The following TLN2 variants were observed in gnomAD, a reference collection of about 807,000 sequenced individuals.
TLN2 encodes talin 2.
Under a neutral mutation model 294.7 loss-of-function variants are expected in TLN2, and 118 were observed. That is an observed-to-expected ratio of 0.40 (90% CI 0.34 to 0.47). TLN2 has a LOEUF of 0.47. Among genes scored for constraint, TLN2 ranks in the 20% least tolerant of loss-of-function variants. TLN2 has a pLI of 0.84. For synonymous variants in TLN2, 1,431 were observed against 1,304.5 expected (o/e 1.10, Z -2.09); for missense variants, 3,083 against 3,282.2 (o/e 0.94, Z 1.48).
At position 62,694,354 on chromosome 15, in the gene TLN2, G is replaced by A; in HGVS notation, c.1254G>A (p.Glu418=). 6.2e-7 allele frequency: 1 copy of A among 1,614,066 alleles called. No homozygotes were observed. Among genetic ancestry groups the A allele is most frequent in the Non-Finnish European group, 8.5e-7 (1 of 1,179,984 alleles). ...SKDRFGLEGD[E]ESTMLEESVS... is the part of the protein sequence containing the mutation. ...ATCGATTTGGACTAGAAGGTGATGA[G>A]GAGTCAACCATGTTAGAAGAGTCCG... The change falls in exon 14 of 59, where the codon GAG becomes GAA. Residue 418 remains glutamate, a synonymous_variant. Coordinates refer to ENST00000636159, the MANE Select transcript of TLN2 (RefSeq NM_015059.3).
At chr15:62,689,980 C>T (rs1420065753) in intron 12 of TLN2, among the ~76,000 whole-genome samples, 1 of 9,600 alleles carries the variant, frequency 1.0e-4, no homozygotes, top group African/African-American at 1.6e-4. Context: ...CCGACCCCCC[C>T]ACCTCCCTCC....
At chr15:62,790,020 G>GGCT (rs1038490671) in intron 45 of TLN2, among the ~76,000 whole-genome samples, 1 of 152,154 alleles carries the variant, frequency 6.6e-6, no homozygotes, top group African/African-American at 2.4e-5. Flanking sequence ...GCTGATCTCA[G>GGCT]GCTGCTGCTG....
chr15:62,648,780 C>T (rs1291188014), intron 4 of TLN2, among the ~76,000 whole-genome samples: 2 of 151,966 alleles, frequency 1.3e-5, no homozygotes, highest in African/African-American at 2.4e-5. Context: ...AACTCCTGAC[C>T]TCTGGTGATC....
At chr15:62,533,302 G>T (rs2041157335) in intron 1 of TLN2, among the ~76,000 whole-genome samples, 1 of 149,946 alleles carries the variant, frequency 6.7e-6, no homozygotes, top group Non-Finnish European at 1.5e-5. Context: ...CCAGGAATGG[G>T]ATCATCTTCA....
At chr15:62,559,462 C>T (rs1053774610) in intron 1 of TLN2, among the ~76,000 whole-genome samples, 3 of 152,226 alleles carry the variant, frequency 2.0e-5, no homozygotes, top group South Asian at 2.1e-4. Flanking sequence ...CTCTTCTAAG[C>T]AGCTTTGTTT....
intron 48 of TLN2, among the ~76,000 whole-genome samples, chr15:62,799,006 C>G (rs189693718): frequency 6.6e-4 from 100 of 152,326 alleles, no homozygotes; most frequent in African/African-American, 2.2e-3. Context: ...GAGCCGAGAT[C>G]ACGCCACTGC....
At chr15:62,585,043 G>A (rs904515085) in intron 1 of TLN2, among the ~76,000 whole-genome samples, 5 of 152,052 alleles carry the variant, frequency 3.3e-5, no homozygotes, top group African/African-American at 1.2e-4. Context: ...GCCTGAGTGT[G>A]GTGTCACACT....
intron 19 of TLN2, among the ~76,000 whole-genome samples, chr15:62,706,188 A>G (rs115772955): frequency 0.014 from 2,047 of 149,886 alleles, 44 homozygotes; most frequent in South Asian, 0.061. Flanking sequence ...AAAATGGCTC[A>G]TATGTTTGGG....
At chr15:62,696,087 G>A (rs1350048306) in intron 14 of TLN2, among the ~76,000 whole-genome samples, 1 of 152,156 alleles carries the variant, frequency 6.6e-6, no homozygotes, top group Non-Finnish European at 1.5e-5. Flanking sequence ...CTTCTTACTG[G>A]AGCCTCCAGA....
intron 31 of TLN2, chr15:62,740,419 C>T: frequency 1.8e-6 from 1 of 548,598 alleles, no homozygotes; most frequent in Non-Finnish European, 3.1e-6. Context: ...ATTTCTTTCC[C>T]TGTGGCATGC....
chr15:62,772,261 C>T (rs1490218972), intron 42 of TLN2, among the ~76,000 whole-genome samples: 1 of 152,138 alleles, frequency 6.6e-6, no homozygotes, highest in African/African-American at 2.4e-5. Context: ...CCAGCTTGGA[C>T]TTAACATTTT....
intron 52 of TLN2, among the ~76,000 whole-genome samples, chr15:62,816,497 C>T (rs1040452617): frequency 4.6e-5 from 7 of 152,146 alleles, no homozygotes; most frequent in Non-Finnish European, 2.9e-5. Context: ...TCTTCTCCTC[C>T]GTTATCTAAA....
At chr15:62,783,645 C>T (rs535381297) in intron 44 of TLN2, 126 bp from the exon 45 acceptor site, 1 of 1,444,416 alleles carries the variant, frequency 6.9e-7, no homozygotes, top group Non-Finnish European at 9.1e-7. Flanking sequence ...TGGCCTTCAC[C>T]CCCTCAGGAG....
chr15:62,792,407 C>T (rs1189611773), intron 45 of TLN2, among the ~76,000 whole-genome samples: 2 of 152,134 alleles, frequency 1.3e-5, no homozygotes, highest in Non-Finnish European at 2.9e-5. Context: ...GAGGGTATCA[C>T]GCTAGGACCT....
At chr15:62,565,600 C>T (rs1002314114) in intron 1 of TLN2, among the ~76,000 whole-genome samples, 8 of 152,194 alleles carry the variant, frequency 5.3e-5, no homozygotes, top group Non-Finnish European at 1.0e-4. Context: ...GAACTTAAAA[C>T]TATTTGACTA....
At chr15:62,675,435 G>A in intron 11 of TLN2, 114 bp downstream of exon 11, 1 of 1,047,052 alleles carries the variant, frequency 9.6e-7, no homozygotes, top group South Asian at 1.5e-5. Context: ...ATTTGCGGGT[G>A]GAACATCTGG....
At chr15:62,595,093 A>G (rs554458709) in intron 2 of TLN2, among the ~76,000 whole-genome samples, 13 of 152,228 alleles carry the variant, frequency 8.5e-5, no homozygotes, top group Non-Finnish European at 1.9e-4. Flanking sequence ...ACAATGAGAT[A>G]GTACCTCACA....
chr15:62,825,699 AAT>A (rs199773466), intron 54 of TLN2, among the ~76,000 whole-genome samples: 1 of 130,602 alleles, frequency 7.7e-6, no homozygotes, highest in African/African-American at 3.1e-5. Flanking sequence ...CTAAAAATAC[AAT>A]ATATATATAA....
intron 29 of TLN2, among the ~76,000 whole-genome samples, chr15:62,737,770 T>C (rs924690648): frequency 6.6e-6 from 1 of 152,214 alleles, no homozygotes; most frequent in Non-Finnish European, 1.5e-5. Flanking sequence ...GAGCAGAAAT[T>C]AACCACAGGC....
Sources: allele counts gnomAD v4.1 joint callset (sites outside exome capture counted in the v4.1 genomes callset), GRCh38; gene constraint gnomAD v4.1.1; transcripts MANE v1.5; gene names NCBI Gene and HGNC (gene_info 2026-07-23, HGNC 2026-07-21).